Variants in HFM1 observed in about 807,000 individuals in gnomAD.
HFM1 encodes probable ATP-dependent DNA helicase HFM1.
Under a neutral mutation model 192.1 loss-of-function variants are expected in HFM1, and 169 were observed. That is an observed-to-expected ratio of 0.88 (90% confidence interval 0.78 to 1.00). The LOEUF is 1.00. Ranked by LOEUF, HFM1 falls within the 50% of genes least tolerant of loss-of-function variation. The pLI is 0.00. For synonymous variants in HFM1, 525 were observed against 537.8 expected (o/e 0.98, Z 0.33); for missense variants, 1,661 against 1,668.0 (o/e 1.00, Z 0.07).
rs765227359 is a variant in HFM1, at chr1:91,262,440, G to T, written c.4086+41C>A. 3.2e-5 allele frequency: 51 copies of T among 1,571,334 alleles called. 2 individuals are homozygous for T. In the South Asian group the frequency reaches 6.0e-4, roughly 18 times the overall value. On this transcript the variant is annotated intron_variant, in intron 37 of 38. Transcript: ENST00000370425. ...CAATCATTGAAAGTTTAAGCACTCGGGCAAAATTTAAAAGAAAAACAAAGA... is the reference window on the plus strand; with the variant it reads ...CAATCATTGAAAGTTTAAGCACTCGTGCAAAATTTAAAAGAAAAACAAAGA...
At chr1:91,374,673 GA>G (rs1660689466) in intron 13 of HFM1, among the ~76,000 whole-genome samples, 2 of 152,152 alleles carry the variant, frequency 1.3e-5, no homozygotes, top group Non-Finnish European at 2.9e-5. Context: ...CTGAGAGCAA[GA>G]ACCAAGGTTC....
In HFM1 at chr1:91,268,859, C is replaced by CT. The variant is rs1279770097; in HGVS notation, c.3773-1005dup. ...ATGTTGTTTGATATTTTTGTTGACT[C>CT]TAACAAGTAAGATGAAAATATTAAT... On this transcript the variant is annotated intron_variant, in intron 34 of 38. Transcript: ENST00000370425. Among the ~76,000 whole-genome samples the CT allele has an allele frequency of 5.9e-5, 9 of 152,134 alleles. No individual in the cohort carries two copies. The South Asian group carries it at 1.9e-3, about 32-fold the overall frequency.
chr1:91,366,430 T>C (rs1402909532), intron 13 of HFM1, among the ~76,000 whole-genome samples: 2 of 152,206 alleles, frequency 1.3e-5, no homozygotes, highest in Non-Finnish European at 2.9e-5. Context: ...CAAAAAGTGA[T>C]ATGAACCAAC....
chr1:91,401,974 C>A (rs552230807), intron 1 of HFM1, among the ~76,000 whole-genome samples: 1 of 151,902 alleles, frequency 6.6e-6, no homozygotes, highest in Admixed American at 6.6e-5. Context: ...TTATTTTTCC[C>A]TGCATATCCT....
At chr1:91,278,713 C>T (rs752788029) in intron 30 of HFM1, among the ~76,000 whole-genome samples, 4 of 152,070 alleles carry the variant, frequency 2.6e-5, no homozygotes, top group South Asian at 2.1e-4. Context: ...TATGAGGCAA[C>T]GGCTGGTCCT....
At chr1:91,300,053 G>A (rs1648441170) in intron 30 of HFM1, among the ~76,000 whole-genome samples, 1 of 151,828 alleles carries the variant, frequency 6.6e-6, no homozygotes, top group Non-Finnish European at 1.5e-5. Flanking sequence ...TAATAAAGAA[G>A]AAAAGAGAGA....
Position 91,375,582 on chromosome 1 carries a change from T to C in HFM1, c.1541A>G (p.Asn514Ser), listed in dbSNP as rs1168079156. The change falls in exon 12 of 39, where the codon AAC (asparagine) becomes AGC (serine). Residue 514 changes from asparagine to serine, a missense_variant. Coordinates refer to ENST00000370425, the MANE Select transcript of HFM1 (RefSeq NM_001017975.6). Reference protein sequence around the residue: ...QTEFKFDLTLNYKIASVIQMY... With the variant: ...QTEFKFDLTLSYKIASVIQMY... ...TTGTATAACACTGGCAATTTTGTAG[T>C]TGAGGGTTAAATCAAACTTAAACTC... 5.1e-5 allele frequency: 82 copies of C among 1,613,426 alleles called. No individual in the cohort carries two copies. The highest frequency in any genetic ancestry group is 6.3e-5 in the Non-Finnish European group (74 of 1,179,644).
At position 91,313,377 on chromosome 1, in the gene HFM1, G is replaced by T; in HGVS notation, c.3363C>A (p.Asp1121Glu). The change falls in exon 30 of 39, where the codon GAC (aspartate) becomes GAA (glutamate). Residue 1121 changes from aspartate (D) to glutamate (E), a missense_variant. Physicochemically the swap from Asp to Glu is conservative, Grantham distance 45 (BLOSUM62 2). Transcript: ENST00000370425. ...ETQISHSKHSDISTIAGPNKG... is the reference protein window; with the variant it reads ...ETQISHSKHSEISTIAGPNKG... ...TATTAGGTCCTGCTATTGTAGATAT[G>T]TCTGAATGTTTAGAATGGGAAATCT... The T allele has an allele frequency of 1.3e-6, 2 of 1,588,026 alleles. No homozygotes were observed. The highest frequency in any genetic ancestry group is 1.7e-6 in the Non-Finnish European group (2 of 1,160,932).
intron 1 of HFM1, among the ~76,000 whole-genome samples, chr1:91,403,065 C>A (rs1396427730): frequency 6.7e-6 from 1 of 150,282 alleles, no homozygotes; most frequent in Non-Finnish European, 1.5e-5. Flanking sequence ...TGAAAAAACA[C>A]CCCTTATCTA....
chr1:91,311,816 T>C (rs1650501806), intron 30 of HFM1, among the ~76,000 whole-genome samples: 1 of 152,172 alleles, frequency 6.6e-6, no homozygotes, highest in Admixed American at 6.5e-5. Flanking sequence ...GCCCCTTCTA[T>C]CACAGGCCTG....
chr1:91,363,518 A>G (rs1229336429), intron 13 of HFM1, among the ~76,000 whole-genome samples: 1 of 143,572 alleles, frequency 7.0e-6, no homozygotes, highest in Admixed American at 7.0e-5. Context: ...GCAATTACTA[A>G]AAAGTCAAAA....
intron 10 of HFM1, 63 bp from the exon 11 acceptor site, chr1:91,378,246 A>T (rs1661144005): frequency 7.8e-7 from 1 of 1,280,268 alleles, no homozygotes; most frequent in African/African-American, 1.5e-5. Context: ...AATCAATTAA[A>T]ATATTCAATA....
intron 23 of HFM1, among the ~76,000 whole-genome samples, chr1:91,321,079 A>G (rs1178728882): frequency 2.0e-5 from 3 of 152,154 alleles, no homozygotes; most frequent in African/African-American, 7.2e-5. Flanking sequence ...AGTTAAAGAA[A>G]ACAGAGCTAG....
intron 21 of HFM1, among the ~76,000 whole-genome samples, chr1:91,324,357 C>G (rs1038774380): frequency 5.3e-5 from 8 of 152,178 alleles, no homozygotes; most frequent in African/African-American, 1.7e-4. Flanking sequence ...ATCTTTCTTA[C>G]ATATTATTAC....
intron 13 of HFM1, among the ~76,000 whole-genome samples, chr1:91,369,656 C>A (rs1435060707): frequency 6.6e-6 from 1 of 152,128 alleles, no homozygotes; most frequent in South Asian, 2.1e-4. Context: ...TAAAAATTGA[C>A]ACCCTAACAT....
At chr1:91,273,938 G>A in intron 33 of HFM1, 123 bp from the exon 34 acceptor site, 1 of 586,028 alleles carries the variant, frequency 1.7e-6, no homozygotes, top group Non-Finnish European at 2.9e-6. Context: ...ATGATACACT[G>A]GACCCAGGCT....
intron 18 of HFM1, among the ~76,000 whole-genome samples, chr1:91,348,586 G>A (rs1051696965): frequency 2.0e-5 from 3 of 152,122 alleles, no homozygotes; most frequent in Non-Finnish European, 2.9e-5. Context: ...ATTTAAATAA[G>A]TGATACATAA....
chr1:91,331,391 T>C (rs1272289331), intron 20 of HFM1, among the ~76,000 whole-genome samples: 2 of 152,030 alleles, frequency 1.3e-5, no homozygotes, highest in Non-Finnish European at 2.9e-5. Flanking sequence ...TAAAATTAAA[T>C]ATCTAGAAAG....
intron 13 of HFM1, among the ~76,000 whole-genome samples, chr1:91,353,541 C>A (rs1165242005): frequency 6.7e-6 from 1 of 148,172 alleles, no homozygotes; most frequent in Non-Finnish European, 1.5e-5. Flanking sequence ...CCCAAGAAAA[C>A]AACATAATTG....
Sources: allele counts gnomAD v4.1 joint callset (sites outside exome capture counted in the v4.1 genomes callset), GRCh38; gene constraint gnomAD v4.1.1; transcripts MANE v1.5; gene names NCBI Gene and HGNC (gene_info 2026-07-23, HGNC 2026-07-21).